The following UGT1A9 variants were observed in gnomAD, a reference collection of about 807,000 sequenced individuals.
UGT1A9 encodes UDP-glucuronosyltransferase 1A9.
A neutral mutation model predicts 45.0 loss-of-function variants in UGT1A9; 35 were observed. That is an observed-to-expected ratio of 0.78 (90% CI 0.59 to 1.03). The LOEUF (loss-of-function observed/expected upper bound fraction) is 1.03, where lower values mean the gene tolerates loss of function less well. Among genes scored for constraint, UGT1A9 ranks in the 50% least tolerant of loss-of-function variants. The pLI is 0.00. For missense variants in UGT1A9, 687 were observed against 666.6 expected, an observed-to-expected ratio of 1.03 and a Z score of -0.34; for synonymous variants, 278 against 250.6, an observed-to-expected ratio of 1.11 and a Z score of -1.03.
chr2:233,681,530 C>CAAAA (rs747693860), intron 1 of UGT1A9, among the ~76,000 whole-genome samples: 4 of 77,718 alleles, frequency 5.1e-5, no homozygotes, highest in African/African-American at 9.7e-5. Flanking sequence ...GACTCCATCT[C>CAAAA]AAAAAAAAAA....
At chr2:233,673,297 C>G (rs770924092) in intron 1 of UGT1A9, among the ~76,000 whole-genome samples, 2 of 152,038 alleles carry the variant, frequency 1.3e-5, no homozygotes, top group African/African-American at 2.4e-5. Flanking sequence ...CTTTATAGAC[C>G]AATACAGACA....
intron 1 of UGT1A9, chr2:233,748,212 G>A (rs1693895532): frequency 2.0e-6 from 3 of 1,495,994 alleles, no homozygotes; most frequent in Non-Finnish European, 2.7e-6. Flanking sequence ...ATAGCCTTCA[G>A]TGAGATAAAC....
intron 1 of UGT1A9, chr2:233,713,058 C>G: frequency 6.2e-7 from 1 of 1,614,146 alleles, no homozygotes. Flanking sequence ...CCTCAGTGTC[C>G]AGCCCTGGGC....
chr2:233,724,512 C>A (rs1184546630), intron 1 of UGT1A9, among the ~76,000 whole-genome samples: 1 of 98,296 alleles, frequency 1.0e-5, no homozygotes, highest in Non-Finnish European at 2.1e-5. Context: ...CGCTCCTCAC[C>A]TCCCAGATGG....
At chr2:233,770,756 T>C (rs1700148288) in intron 4 of UGT1A9, 1 of 152,202 alleles carries the variant, frequency 6.6e-6, no homozygotes, top group Non-Finnish European at 1.5e-5. Context: ...AGTACTAATA[T>C]TACATTATAA....
At chr2:233,745,790 T>G (rs1693218354) in intron 1 of UGT1A9, among the ~76,000 whole-genome samples, 2 of 150,238 alleles carry the variant, frequency 1.3e-5, no homozygotes, top group African/African-American at 2.5e-5. Flanking sequence ...ACAGGGGGGC[T>G]GGGGTCTATC....
At chr2:233,687,854 G>T (rs910544151) in intron 1 of UGT1A9, among the ~76,000 whole-genome samples, 1 of 152,130 alleles carries the variant, frequency 6.6e-6, no homozygotes, top group Non-Finnish European at 1.5e-5. Flanking sequence ...GCTGCAGTAA[G>T]CCATGACTAT....
At chr2:233,704,839 G>C (rs561823899) in intron 1 of UGT1A9, among the ~76,000 whole-genome samples, 8 of 151,956 alleles carry the variant, frequency 5.3e-5, no homozygotes, top group Admixed American at 5.3e-4. Flanking sequence ...TTTAAAATCA[G>C]TTAAGAGAAT....
At chr2:233,719,565 G>T in intron 1 of UGT1A9, 1 of 1,613,918 alleles carries the variant, frequency 6.2e-7, no homozygotes, top group South Asian at 1.1e-5. Context: ...GGTGGATCTT[G>T]TCAGCTATGC....
intron 1 of UGT1A9, among the ~76,000 whole-genome samples, chr2:233,679,775 C>G (rs535392626): frequency 1.3e-5 from 2 of 152,212 alleles, no homozygotes; most frequent in South Asian, 4.2e-4. Flanking sequence ...ATTAAATTCT[C>G]CAGTTTTAGA....
Position 233,772,565 on chromosome 2 carries a change from G to A in UGT1A9, c.*6G>A. ...ACAAATCCAAGACCCATTGAGAAGT[G>A]GGTGGGAAATAAGGTAAAATTTTGA... On this transcript the variant is annotated 3_prime_UTR_variant, in exon 5 of 5. Coordinates refer to ENST00000354728, the MANE Select transcript of UGT1A9 (RefSeq NM_021027.3). 6.2e-7 allele frequency: 1 copy of A among 1,613,202 alleles called. No homozygotes were observed.
At chr2:233,736,679 G>C (rs2078792170) in intron 1 of UGT1A9, among the ~76,000 whole-genome samples, 1 of 152,134 alleles carries the variant, frequency 6.6e-6, no homozygotes, top group African/African-American at 2.4e-5. Flanking sequence ...CTTTGATGTT[G>C]GTGACCTACA....
intron 1 of UGT1A9, among the ~76,000 whole-genome samples, chr2:233,727,321 C>T (rs1225284066): frequency 6.6e-6 from 1 of 152,152 alleles, no homozygotes; most frequent in African/African-American, 2.4e-5. Flanking sequence ...TTCCCAGGCA[C>T]CAGGAGCTCC....
chr2:233,744,046 C>G, intron 1 of UGT1A9: 1 of 729,302 alleles, frequency 1.4e-6, no homozygotes, highest in Non-Finnish European at 1.9e-6. Flanking sequence ...GCAGCCACAT[C>G]TCATTGGTCG....
chr2:233,681,590 T>C (rs1338443918), intron 1 of UGT1A9, among the ~76,000 whole-genome samples: 1 of 151,836 alleles, frequency 6.6e-6, no homozygotes, highest in East Asian at 1.9e-4. Context: ...TCCAAAATTA[T>C]TAGCTTCGTT....
chr2:233,682,697 C>G lies in UGT1A9; in HGVS notation c.855+9908C>G, dbSNP rs201879946. ...CAGCCACACATCAATTTGGTTGTTG[C>G]GAACTGACTTTGTTTTGGAGTATCC... On this transcript the variant is annotated intron_variant, in intron 1 of 4. Transcript: ENST00000354728. 3 of 1,613,832 alleles carry G rather than the reference C, an allele frequency of 1.9e-6. No homozygotes were observed. In the South Asian group the frequency reaches 3.3e-5, roughly 18 times the overall value.
chr2:233,702,373 G>A (rs905615069), intron 1 of UGT1A9, among the ~76,000 whole-genome samples: 3 of 151,954 alleles, frequency 2.0e-5, no homozygotes, highest in African/African-American at 7.3e-5. Context: ...GATTTCGTAG[G>A]ATTTTCTACA....
chr2:233,687,584 A>T (rs1393957016), intron 1 of UGT1A9, among the ~76,000 whole-genome samples: 24 of 40,642 alleles, frequency 5.9e-4, no homozygotes, highest in Non-Finnish European at 7.9e-4. Flanking sequence ...CATTCTTTGT[A>T]AAAAAAAAAA....
rs140668471 is a variant in UGT1A9 at position 233,691,546 on chromosome 2, C to G, written c.855+18757C>G. On this transcript the variant is annotated intron_variant, in intron 1 of 4. Coordinates refer to ENST00000354728, the MANE Select transcript of UGT1A9 (RefSeq NM_021027.3). ...ATGACTAGCTCTGGGCAAGTCTGTT[C>G]TAGTAATTCAAGGTACCACCTCTCA... The G allele has an allele frequency of 2.5e-5, 25 of 985,664 alleles. No homozygotes were observed. In the African/African-American group the frequency reaches 4.2e-4, roughly 16 times the overall value. 61.1% of individuals were successfully genotyped at this position (985,664 alleles called of 1,614,324 possible). A position where few individuals can be genotyped will look rare whatever the true frequency, so the allele number is the denominator to read the frequency against.
Sources: gnomAD v4.1 joint callset for allele counts (sites outside exome capture counted in the v4.1 genomes callset) on GRCh38, gnomAD v4.1.1 for gene constraint, MANE v1.5 for transcripts, NCBI Gene and HGNC (gene_info 2026-07-23, HGNC 2026-07-21) for gene names.